RBFOX1: variants seen among roughly 807,000 people sequenced by gnomAD.
RBFOX1 encodes the protein RNA binding protein fox-1 homolog 1.
A neutral mutation model predicts 57.7 loss-of-function variants in RBFOX1; 8 were observed. The observed-to-expected ratio is 0.14, with a 90% CI of 0.08 to 0.25. RBFOX1 has a LOEUF of 0.25. Ranked by LOEUF, RBFOX1 falls within the 10% of genes least tolerant of loss-of-function variation. The pLI is 1.00. For synonymous variants in RBFOX1, 326 were observed against 222.4 expected (o/e 1.47, Z -4.15); for missense variants, 611 against 548.5 (o/e 1.11, Z -1.14).
chr16:7,711,927 G>C lies in RBFOX1; in HGVS notation c.*1182G>C, dbSNP rs755475286. The C allele has an allele frequency of 6.6e-6, 1 of 152,464 alleles. No individual in the cohort carries two copies. Among genetic ancestry groups the C allele is most frequent in the Non-Finnish European group, 1.5e-5 (1 of 68,016 alleles). 9.4% of individuals were successfully genotyped at this position (152,464 alleles called of 1,614,324 possible). On this transcript the variant is annotated 3_prime_UTR_variant, in exon 16 of 16. Coordinates refer to ENST00000550418, the MANE Select transcript of RBFOX1 (RefSeq NM_018723.4). ...CAATCTGCAATTTTTCAGTCCGTGA[G>C]ATCCTGCCCTTCCACCTCTTTCCCA...
Position 6,552,816 on chromosome 16 carries a change from G to A in RBFOX1, c.-63-101787G>A, listed in dbSNP as rs550738356. 7.2e-5 allele frequency among the ~76,000 whole-genome samples: 11 copies of A among 151,896 alleles called. No individual in the cohort carries two copies. The South Asian group carries it at 2.1e-3, about 29-fold the overall frequency. ...TGTGGTATGTATGAATGTATTATGT[G>A]TAAGATATATATTATAAATATATAA... On this transcript the variant is annotated intron_variant, in intron 2 of 15. Coordinates refer to ENST00000550418, the MANE Select transcript of RBFOX1 (RefSeq NM_018723.4).
intron 3 of RBFOX1, among the ~76,000 whole-genome samples, chr16:6,946,891 G>A (rs778964632): frequency 6.6e-5 from 10 of 152,238 alleles, no homozygotes; most frequent in African/African-American, 1.7e-4. Flanking sequence ...TTATAGGTAT[G>A]AGTCACCACA....
At chr16:6,897,822 C>T (rs1376492372) in intron 3 of RBFOX1, among the ~76,000 whole-genome samples, 2 of 152,076 alleles carry the variant, frequency 1.3e-5, no homozygotes, top group Non-Finnish European at 2.9e-5. Context: ...AAGTCCTTAA[C>T]ATGGATTACA....
chr16:5,503,682 G>C (rs1376628115), intron 2 of RBFOX1, among the ~76,000 whole-genome samples: 1 of 152,132 alleles, frequency 6.6e-6, no homozygotes, highest in East Asian at 1.9e-4. Flanking sequence ...GACCTGAGGT[G>C]ATCCATCTGC....
At chr16:6,275,056 T>C (rs1197823163) in intron 1 of RBFOX1, among the ~76,000 whole-genome samples, 2 of 152,172 alleles carry the variant, frequency 1.3e-5, no homozygotes, top group African/African-American at 4.8e-5. Context: ...GAGAGTCACA[T>C]TGTCTGGTCA....
chr16:6,870,420 T>G (rs2153263815), intron 3 of RBFOX1, among the ~76,000 whole-genome samples: 1 of 152,362 alleles, frequency 6.6e-6, no homozygotes, highest in South Asian at 2.1e-4. Flanking sequence ...CTTACCTCAC[T>G]TCTGATACCT....
intron 3 of RBFOX1, among the ~76,000 whole-genome samples, chr16:6,840,037 A>G (rs1473158446): frequency 6.6e-6 from 1 of 152,214 alleles, no homozygotes; most frequent in Non-Finnish European, 1.5e-5. Flanking sequence ...GGGAAGGATA[A>G]TAAAACAAAA....
chr16:5,581,849 G>A (rs769688157), intron 2 of RBFOX1, among the ~76,000 whole-genome samples: 1 of 152,144 alleles, frequency 6.6e-6, no homozygotes, highest in African/African-American at 2.4e-5. Flanking sequence ...ATATTATCTA[G>A]GGACAAAGAG....
At chr16:6,476,268 T>C (rs1479214630) in intron 2 of RBFOX1, among the ~76,000 whole-genome samples, 1 of 152,182 alleles carries the variant, frequency 6.6e-6, no homozygotes, top group Non-Finnish European at 1.5e-5. Context: ...GGTGTGTGTC[T>C]ACAAATATCC....
At chr16:7,126,019 G>T (rs766903461) in intron 4 of RBFOX1, among the ~76,000 whole-genome samples, 3 of 152,136 alleles carry the variant, frequency 2.0e-5, no homozygotes, top group African/African-American at 7.2e-5. Flanking sequence ...GGAGGCGGAG[G>T]TTGCAGTGAG....
chr16:5,620,635 A>C (rs951180262), intron 3 of RBFOX1, among the ~76,000 whole-genome samples: 1 of 151,926 alleles, frequency 6.6e-6, no homozygotes, highest in East Asian at 1.9e-4. Flanking sequence ...CATAAGAACA[A>C]CAGTCTTGTT....
At chr16:6,698,165 C>A (rs902036513) in intron 3 of RBFOX1, among the ~76,000 whole-genome samples, 3 of 152,152 alleles carry the variant, frequency 2.0e-5, no homozygotes, top group African/African-American at 7.2e-5. Flanking sequence ...TATATTTCTT[C>A]CACCTCCCTT....
At chr16:7,059,517 A>G (rs906102777) in intron 4 of RBFOX1, among the ~76,000 whole-genome samples, 3 of 152,204 alleles carry the variant, frequency 2.0e-5, no homozygotes, top group Non-Finnish European at 2.9e-5. Context: ...AAAGACATGC[A>G]TTTGTCAAAT....
rs75542300 is a variant in RBFOX1 at position 7,638,858 on chromosome 16, G to A, written c.757+8175G>A. Among the ~76,000 whole-genome samples the A allele has an allele frequency of 5.1e-4, 77 of 152,200 alleles. No homozygotes were observed. The East Asian group carries it at 5.8e-3, about 12-fold the overall frequency. ...AGTTTACCCATCTCTTTGTCAGGCC[G>A]TAATTCTTACTTAAAAGGACAGAAC... is the stretch of plus-strand genomic sequence containing the variant. On this transcript the variant is annotated intron_variant, in intron 11 of 15. Transcript: ENST00000550418.
At chr16:5,972,224 C>T (rs957110392) in intron 4 of RBFOX1, among the ~76,000 whole-genome samples, 7 of 152,162 alleles carry the variant, frequency 4.6e-5, no homozygotes, top group Non-Finnish European at 8.8e-5. Context: ...CACCCTCCCT[C>T]CCTCCCTATC....
At chr16:6,925,662 C>T (rs1375627454) in intron 3 of RBFOX1, among the ~76,000 whole-genome samples, 1 of 151,806 alleles carries the variant, frequency 6.6e-6, no homozygotes, top group South Asian at 2.1e-4. Flanking sequence ...TAGGGTAGGG[C>T]CTGGAATGCG....
chr16:7,183,474 G>A (rs1004173195), intron 4 of RBFOX1, among the ~76,000 whole-genome samples: 30 of 152,128 alleles, frequency 2.0e-4, no homozygotes, highest in African/African-American at 6.3e-4. Flanking sequence ...TGAAACCTTC[G>A]TTGGGTTCAT....
chr16:7,683,033 T>TATATATATATATATATATATATAA (rs374375329), intron 14 of RBFOX1, among the ~76,000 whole-genome samples: 1 of 25,828 alleles, frequency 3.9e-5, no homozygotes, highest in South Asian at 1.1e-3. Flanking sequence ...TATATATATA[T>TATATATATATATATATATATATAA]AAAACAGTGC....
intron 1 of RBFOX1, among the ~76,000 whole-genome samples, chr16:6,271,641 C>G (rs149095290): frequency 1.3e-5 from 2 of 152,044 alleles, no homozygotes; most frequent in Admixed American, 1.3e-4. Flanking sequence ...TTGCAGATGT[C>G]AAAAAGGTAG....
Sources: allele counts gnomAD v4.1 joint callset (sites outside exome capture counted in the v4.1 genomes callset), GRCh38; gene constraint gnomAD v4.1.1; transcripts MANE v1.5; gene names NCBI Gene and HGNC (gene_info 2026-07-23, HGNC 2026-07-21).